The following INSRR variants were observed in gnomAD, a reference collection of about 807,000 sequenced individuals.
The protein encoded by INSRR is insulin receptor-related protein.
A neutral mutation model predicts 130.0 loss-of-function variants in INSRR; 114 were observed. The ratio of observed to expected loss-of-function variants is 0.88; its 90% confidence interval spans 0.75 to 1.02. The LOEUF (loss-of-function observed/expected upper bound fraction) is 1.02. Among genes scored for constraint, INSRR ranks in the 50% least tolerant of loss-of-function variants. The probability of loss-of-function intolerance (pLI) is 0.00; values close to 1 mark genes in which losing one functional copy is unlikely to be tolerated. For synonymous variants in INSRR, 674 were observed against 705.2 expected (o/e 0.96, Z 0.70); for missense variants, 1,657 against 1,735.2 (o/e 0.95, Z 0.80).
In INSRR at chr1:156,844,574, T is replaced by A. The variant is rs1015488262; in HGVS notation, c.2625A>T (p.Gly875=). The A allele has an allele frequency of 6.2e-7, 1 of 1,613,908 alleles. No homozygotes were observed. The highest frequency in any genetic ancestry group is 1.3e-5 in the African/African-American group (1 of 74,856). Residue 875 remains glycine, a synonymous_variant, in exon 14 of 22, where the codon GGA becomes GGT. Transcript: ENST00000368195. ...VSRLRYAKFG[G]VHLALLPPGN... ...CAGGGGGCAGCAGGGCCAGGTGGAC[T>A]CCCCCAAACTTCGCATATCGAAGAC...
chr1:156,857,995 C>T (rs963117914), intron 1 of INSRR, among the ~76,000 whole-genome samples: 1 of 152,048 alleles, frequency 6.6e-6, no homozygotes, highest in African/African-American at 2.4e-5. Flanking sequence ...TGAGGAAGAG[C>T]AGTCTTCCCC....
intron 11 of INSRR, 35 bp from the exon 12 acceptor site, chr1:156,845,331 C>T (rs371814243): frequency 6.2e-6 from 10 of 1,609,246 alleles, no homozygotes; most frequent in Non-Finnish European, 6.8e-6. Context: ...GGCCCAGCCC[C>T]CAAAGCCACG....
rs765933102 is a variant in INSRR, at chr1:156,854,372, T to G, written c.86-69A>C. On this transcript the variant is annotated intron_variant, in intron 1 of 21. Coordinates refer to ENST00000368195, the MANE Select transcript of INSRR (RefSeq NM_014215.3). The surrounding 1 kb of genome is among the most constrained non-coding windows in gnomAD (Gnocchi z 4.2). ...AAATTCCCCATCCAGCCCTGGCAGC[T>G]TTGGAGGGGAGCCACACTGGCAGTA... is the stretch of plus-strand genomic sequence containing the variant. 732 of 1,445,690 alleles carry G rather than the reference T, an allele frequency of 5.1e-4. 4 individuals carry two copies. Among genetic ancestry groups the G allele is most frequent in the Admixed American group, 2.6e-4 (13 of 49,598 alleles). The allele number at this position is 1,445,690 out of a possible 1,614,324, so 89.6% of individuals were successfully genotyped here.
In INSRR at chr1:156,858,727, G is replaced by A; in HGVS notation, c.-106C>T. The A allele has an allele frequency of 3.3e-6, 3 of 916,434 alleles. No individual in the cohort carries two copies. The highest frequency in any genetic ancestry group is 5.4e-6 in the Non-Finnish European group (3 of 557,188). The allele number at this position is 916,434 out of a possible 1,614,324, so 56.8% of individuals were successfully genotyped here. A position where few individuals can be genotyped will look rare whatever the true frequency, so the allele number is the denominator to read the frequency against. On this transcript the variant is annotated 5_prime_UTR_variant, in exon 1 of 22. Transcript: ENST00000368195. Reference sequence around the variant, plus strand: ...CACAGAGACCAGGGTTCAGATAGGAGAGGGAGGGCAGGGGCAGAGAGACAA... The same window carrying A: ...CACAGAGACCAGGGTTCAGATAGGAAAGGGAGGGCAGGGGCAGAGAGACAA...
intron 7 of INSRR, among the ~76,000 whole-genome samples, chr1:156,848,542 C>T (rs1655088926): frequency 6.6e-6 from 1 of 152,180 alleles, no homozygotes; most frequent in Non-Finnish European, 1.5e-5. Flanking sequence ...GAAATGCTGG[C>T]AGAGCTGCTC....
intron 7 of INSRR, 58 bp from the exon 8 acceptor site, chr1:156,846,815 C>A: frequency 7.2e-7 from 1 of 1,394,078 alleles, no homozygotes; most frequent in Non-Finnish European, 1.0e-6. Flanking sequence ...AGTTCTGGCA[C>A]CCCCGCTCTG....
In INSRR at chr1:156,844,635, C is replaced by A. The variant is rs569755213; in HGVS notation, c.2575-11G>T. On this transcript the variant is annotated splice_polypyrimidine_tract_variant and intron_variant, in intron 13 of 21. Coordinates refer to ENST00000368195, the MANE Select transcript of INSRR (RefSeq NM_014215.3). Reference sequence around the variant, plus strand: ...CAGCACTGTGGCCTCCTGAGAGTAACGCAGAACAGCTGGCTGGGAAGGCGA... The same window carrying A: ...CAGCACTGTGGCCTCCTGAGAGTAAAGCAGAACAGCTGGCTGGGAAGGCGA... 10 of 1,613,828 alleles carry A rather than the reference C, an allele frequency of 6.2e-6. No individual in the cohort carries two copies. In the African/African-American group the frequency reaches 1.3e-4, roughly 22 times the overall value.
intron 1 of INSRR, among the ~76,000 whole-genome samples, chr1:156,855,054 T>C (rs770706648): frequency 1.3e-5 from 2 of 152,208 alleles, no homozygotes; most frequent in Non-Finnish European, 2.9e-5. Context: ...AGCTTCTGCC[T>C]TGGGGTCTTT....
In INSRR at chr1:156,854,457, C is replaced by A. The variant is rs1655341862; in HGVS notation, c.86-154G>T. On this transcript the variant is annotated intron_variant, in intron 1 of 21. Transcript: ENST00000368195. This position sits in a 1 kb window ranked among gnomAD's most constrained non-coding sequence, Gnocchi z 4.2. Reference sequence around the variant, plus strand: ...TGTGGGGTGGCCTCCTTCCTGGGCCCCGGAGGGCTCACCTGCAGCCTGCAG... The same window carrying A: ...TGTGGGGTGGCCTCCTTCCTGGGCCACGGAGGGCTCACCTGCAGCCTGCAG... Among the ~76,000 whole-genome samples, 1 of 152,128 alleles carries A rather than the reference C, an allele frequency of 6.6e-6. No homozygotes were observed. Among genetic ancestry groups the A allele is most frequent in the Non-Finnish European group, 1.5e-5 (1 of 68,012 alleles).
rs1194131204 is a variant in INSRR at position 156,854,183 on chromosome 1, C to T, written c.206G>A (p.Arg69His). ...GGTGAGGCGAGGGAAGCTGAGGCCG[C>T]GGAAGTCCTCCCCGGTGGCTGTGAA... ...LMFTATGEDFRGLSFPRLTQV... is the reference protein window; with the variant it reads ...LMFTATGEDFHGLSFPRLTQV... Residue 69 changes from arginine (R) to histidine (H), a missense_variant, in exon 2 of 22, where the codon CGC (arginine) becomes CAC (histidine). Coordinates refer to ENST00000368195, the MANE Select transcript of INSRR (RefSeq NM_014215.3). This position sits in a 1 kb window ranked among gnomAD's most constrained non-coding sequence, Gnocchi z 4.2. The T allele has an allele frequency of 1.1e-5, 18 of 1,613,984 alleles. No homozygotes were observed. The highest frequency in any genetic ancestry group is 3.3e-5 in the Admixed American group (2 of 60,008).
At chr1:156,858,488 G>C (rs776860503) in intron 1 of INSRR, 49 bp downstream of exon 1, 2 of 1,495,974 alleles carry the variant, frequency 1.3e-6, no homozygotes, top group Non-Finnish European at 1.9e-6. Flanking sequence ...TGGCCTCCCA[G>C]CTGGCTGGGA....
At position 156,844,577 on chromosome 1, in the gene INSRR, C is replaced by T. The variant is rs1207399001; in HGVS notation, c.2622G>A (p.Gly874=). 2.0e-5 allele frequency: 33 copies of T among 1,614,040 alleles called. No homozygotes were observed. Among genetic ancestry groups the T allele is most frequent in the Non-Finnish European group, 2.5e-5 (30 of 1,180,022 alleles). ...GGGGCAGCAGGGCCAGGTGGACTCCCCCAAACTTCGCATATCGAAGACGGG... is the reference window on the plus strand; with the variant it reads ...GGGGCAGCAGGGCCAGGTGGACTCCTCCAAACTTCGCATATCGAAGACGGG... ...CVSRLRYAKF[G]GVHLALLPPG... The change falls in exon 14 of 22, where the codon GGG becomes GGA. Residue 874 remains glycine (G), a synonymous_variant. Coordinates refer to ENST00000368195, the MANE Select transcript of INSRR (RefSeq NM_014215.3).
chr1:156,846,778 C>CT (rs1558087207), intron 7 of INSRR, 21 bp from the exon 8 acceptor site: 1 of 1,591,186 alleles, frequency 6.3e-7, no homozygotes, highest in South Asian at 1.1e-5. Context: ...ATCCCCAGAG[C>CT]TGAGGGGTCA....
rs1655355038 is a variant in INSRR, at chr1:156,854,926, C to T, written c.86-623G>A. On this transcript the variant is annotated intron_variant, in intron 1 of 21. Coordinates refer to ENST00000368195, the MANE Select transcript of INSRR (RefSeq NM_014215.3). This position sits in a 1 kb window ranked among gnomAD's most constrained non-coding sequence, Gnocchi z 4.2. ...TCTTACTACAGCCTACAGGGCCCTG[C>T]ACAGTTTGAGCCCTTGTAGCCTCTC... is the stretch of plus-strand genomic sequence containing the variant. Among the ~76,000 whole-genome samples the T allele has an allele frequency of 6.6e-6, 1 of 152,170 alleles. No individual in the cohort carries two copies. Among genetic ancestry groups the T allele is most frequent in the Non-Finnish European group, 1.5e-5 (1 of 68,028 alleles).
intron 12 of INSRR, 68 bp downstream of exon 12, chr1:156,845,008 C>A: frequency 1.3e-6 from 2 of 1,546,854 alleles, no homozygotes; most frequent in Non-Finnish European, 1.8e-6. Flanking sequence ...GAAGTCAAAC[C>A]CCAAACCTTT....
At chr1:156,845,580 A>G in intron 10 of INSRR, 39 bp downstream of exon 10, 8 of 468,746 alleles carry the variant, frequency 1.7e-5, no homozygotes, top group African/African-American at 5.2e-5. Flanking sequence ...CACAGGCCCC[A>G]CTCATCAGAC....
rs1464176015 is a variant in INSRR at position 156,845,555 on chromosome 1, G to T, written c.2174+64C>A. 9.0e-5 allele frequency: 30 copies of T among 333,972 alleles called. No homozygotes were observed. In the East Asian group the frequency reaches 2.5e-3, roughly 28 times the overall value. 20.7% of individuals were successfully genotyped at this position (333,972 alleles called of 1,614,324 possible). On this transcript the variant is annotated intron_variant, in intron 10 of 21. Transcript: ENST00000368195. The stretch of plus-strand genomic sequence containing the variant: ...CCCACCCACAAACCCCACCCCTCCC[G>T]CAAGACCCGCCCCTCACAGGCCCCA...
At chr1:156,842,586 A>G in intron 17 of INSRR, 78 bp from the exon 18 acceptor site, 1 of 1,063,082 alleles carries the variant, frequency 9.4e-7, no homozygotes. Flanking sequence ...TGCTATGACC[A>G]CAGTCTGACT....
At position 156,840,854 on chromosome 1, in the gene INSRR, C is replaced by A. The variant is rs1260778285; in HGVS notation, c.*19G>T. ...TTCCTGTCTCCCCATGGGAGGCCAGCCAGGGAATGAGGTGCCCCTCAGTGC... is the reference window on the plus strand; with the variant it reads ...TTCCTGTCTCCCCATGGGAGGCCAGACAGGGAATGAGGTGCCCCTCAGTGC... On this transcript the variant is annotated 3_prime_UTR_variant, in exon 22 of 22. Transcript: ENST00000368195. 6.3e-7 allele frequency: 1 copy of A among 1,583,314 alleles called. No homozygotes were observed. Among genetic ancestry groups the A allele is most frequent in the African/African-American group, 1.3e-5 (1 of 74,414 alleles).
Sources: allele counts gnomAD v4.1 joint callset (sites outside exome capture counted in the v4.1 genomes callset), GRCh38; gene constraint gnomAD v4.1.1; non-coding constraint Gnocchi (gnomAD v3.1); transcripts MANE v1.5; gene names NCBI Gene and HGNC (gene_info 2026-07-23, HGNC 2026-07-21).